STPG1: variants seen among roughly 807,000 people sequenced by gnomAD.
STPG1 encodes O(6)-methylguanine-induced apoptosis 2.
Under a neutral mutation model 40.1 loss-of-function variants are expected in STPG1, and 33 were observed. That is an observed-to-expected ratio of 0.82 (90% CI 0.62 to 1.10). The LOEUF is 1.10. Among genes scored for constraint, STPG1 ranks in the 50% least tolerant of loss-of-function variants. The pLI is 0.00. For synonymous variants in STPG1, 150 were observed against 155.0 expected (o/e 0.97, Z 0.24); for missense variants, 396 against 415.1 (o/e 0.95, Z 0.40).
At chr1:24,383,197 G>A (rs1642364940) in intron 4 of STPG1, among the ~76,000 whole-genome samples, 1 of 152,144 alleles carries the variant, frequency 6.6e-6, no homozygotes, top group South Asian at 2.1e-4. Flanking sequence ...ATAGGCATGA[G>A]CCACCGTGCC....
chr1:24,390,190 AAATG>A (rs893929413), intron 3 of STPG1, among the ~76,000 whole-genome samples: 5 of 152,244 alleles, frequency 3.3e-5, no homozygotes, highest in Non-Finnish European at 1.5e-5. Context: ...GGTCTTGCTT[AAATG>A]AATGAAGGAA....
At chr1:24,407,061 T>G (rs959615047) in intron 1 of STPG1, among the ~76,000 whole-genome samples, 3 of 152,198 alleles carry the variant, frequency 2.0e-5, no homozygotes, top group African/African-American at 7.2e-5. Flanking sequence ...TTCCTCAGTA[T>G]TTCCCCATTC....
intron 3 of STPG1, among the ~76,000 whole-genome samples, chr1:24,385,199 T>C (rs1333767532): frequency 6.6e-6 from 1 of 152,196 alleles, no homozygotes; most frequent in Non-Finnish European, 1.5e-5. Context: ...CAGTGTGTAA[T>C]TATGGTTTCA....
At chr1:24,385,036 C>A (rs1408471697) in intron 3 of STPG1, among the ~76,000 whole-genome samples, 1 of 152,154 alleles carries the variant, frequency 6.6e-6, no homozygotes, top group African/African-American at 2.4e-5. Context: ...TGGCAAACCC[C>A]AGAGCTGAAC....
At chr1:24,391,463 C>T in intron 3 of STPG1, 98 bp downstream of exon 3, 1 of 758,242 alleles carries the variant, frequency 1.3e-6, no homozygotes, top group South Asian at 1.8e-5. Context: ...CTGCCCTCCA[C>T]TGTCCACAGA....
chr1:24,408,639 A>AT lies in STPG1; in HGVS notation c.-69+5034dup, dbSNP rs1246957181. Among the ~76,000 whole-genome samples, 14 of 152,300 alleles carry AT rather than the reference A, an allele frequency of 9.2e-5. No homozygotes were observed. In the East Asian group the frequency reaches 2.7e-3, roughly 29 times the overall value. ...CCGTGTTTTTCTTCCTTCAGGGATT[A>AT]TTGTACTGTGCCTGTTGTCCAATGT... On this transcript the variant is annotated intron_variant, in intron 1 of 8. Coordinates refer to ENST00000337248, the MANE Select transcript of STPG1 (RefSeq NM_001199013.2).
chr1:24,382,915 C>T (rs1424633485), intron 4 of STPG1, among the ~76,000 whole-genome samples: 1 of 104,826 alleles, frequency 9.5e-6, no homozygotes. Context: ...GCTTTCTTTT[C>T]ACTTTTTTTT....
At chr1:24,401,740 C>A (rs187478652) in intron 1 of STPG1, among the ~76,000 whole-genome samples, 18 of 152,118 alleles carry the variant, frequency 1.2e-4, no homozygotes, top group Non-Finnish European at 1.5e-5. Flanking sequence ...TCACCCAGGC[C>A]GGAGTGTAAT....
At chr1:24,376,392 T>C (rs778781956) in intron 5 of STPG1, among the ~76,000 whole-genome samples, 1 of 152,166 alleles carries the variant, frequency 6.6e-6, no homozygotes, top group Non-Finnish European at 1.5e-5. Flanking sequence ...TTCTAATTAA[T>C]GGGTTTCTAC....
At chr1:24,364,442 T>A (rs893404112) in intron 7 of STPG1, 1 of 1,453,976 alleles carries the variant, frequency 6.9e-7, no homozygotes, top group East Asian at 2.6e-5. Flanking sequence ...TCAGAGTATG[T>A]GGCCCCTGAA....
chr1:24,370,789 C>CTTT (rs34898446), intron 6 of STPG1, among the ~76,000 whole-genome samples: 3 of 147,122 alleles, frequency 2.0e-5, no homozygotes, highest in African/African-American at 5.0e-5. Context: ...CTGTGCCCAG[C>CTTT]TTTTTTTTTT....
At chr1:24,365,530 A>G (rs1441109490) in intron 7 of STPG1, among the ~76,000 whole-genome samples, 1 of 152,202 alleles carries the variant, frequency 6.6e-6, no homozygotes, top group Admixed American at 6.5e-5. Flanking sequence ...TGAGTCAGCA[A>G]GGTGGCCATG....
intron 2 of STPG1, among the ~76,000 whole-genome samples, chr1:24,397,520 A>C (rs1162881237): frequency 6.6e-6 from 1 of 152,142 alleles, no homozygotes; most frequent in Non-Finnish European, 1.5e-5. Context: ...ATAAATACAT[A>C]AATCCTTAGA....
intron 6 of STPG1, among the ~76,000 whole-genome samples, chr1:24,372,323 G>A (rs1162821250): frequency 6.6e-6 from 1 of 152,204 alleles, no homozygotes; most frequent in Non-Finnish European, 1.5e-5. Context: ...ATGATTATGT[G>A]GTGAGTACCT....
intron 5 of STPG1, among the ~76,000 whole-genome samples, chr1:24,375,725 T>G (rs1186483887): frequency 2.0e-5 from 3 of 152,180 alleles, no homozygotes; most frequent in Admixed American, 2.0e-4. Context: ...TCAACCATTG[T>G]TCTCCTGGCC....
Position 24,399,898 on chromosome 1 carries a change from G to C in STPG1, c.70+1421C>G, listed in dbSNP as rs1643152041. On this transcript the variant is annotated intron_variant, in intron 2 of 8. Transcript: ENST00000337248. The surrounding 1 kb of genome is among the most constrained non-coding windows in gnomAD (Gnocchi z 4.0). The stretch of plus-strand genomic sequence containing the variant: ...AAAATGTTGGTGAGGATTTGGAGCA[G>C]CTGGAATTCACATACATTGCTTGTA... Among the ~76,000 whole-genome samples the C allele has an allele frequency of 6.6e-6, 1 of 152,212 alleles. No individual in the cohort carries two copies. The highest frequency in any genetic ancestry group is 6.5e-5 in the Admixed American group (1 of 15,278).
At chr1:24,384,166 C>T (rs1642405970) in intron 3 of STPG1, among the ~76,000 whole-genome samples, 163 bp from the exon 4 acceptor site, 1 of 152,250 alleles carries the variant, frequency 6.6e-6, no homozygotes, top group African/African-American at 2.4e-5. Context: ...CTGACTTGCC[C>T]GATCTTCGTC....
chr1:24,405,747 T>C (rs1643390896), intron 1 of STPG1, among the ~76,000 whole-genome samples: 1 of 152,184 alleles, frequency 6.6e-6, no homozygotes, highest in Non-Finnish European at 1.5e-5. Flanking sequence ...TTTTGGTGAA[T>C]TGACCCCATT....
chr1:24,406,869 C>T lies in STPG1; in HGVS notation c.-68-5413G>A, dbSNP rs141112738. Among the ~76,000 whole-genome samples, 1,182 of 152,234 alleles carry T rather than the reference C, an allele frequency of 7.8e-3. 9 individuals carry two copies. The highest frequency in any genetic ancestry group is 0.037 in the Middle Eastern group (11 of 294). The stretch of plus-strand genomic sequence containing the variant: ...TAATTTTTTATTATGGTAAAATACA[C>T]ATAACATAAAAATTTGCCATCTCAA... On this transcript the variant is annotated intron_variant, in intron 1 of 8. Transcript: ENST00000337248.
Sources: allele counts gnomAD v4.1 joint callset (sites outside exome capture counted in the v4.1 genomes callset), GRCh38; gene constraint gnomAD v4.1.1; non-coding constraint Gnocchi (gnomAD v3.1); transcripts MANE v1.5; gene names NCBI Gene and HGNC (gene_info 2026-07-23, HGNC 2026-07-21).